Variants in TNKS observed in about 807,000 individuals in gnomAD.
The protein encoded by TNKS is tankyrase.
TNKS carries 72 observed loss-of-function variants against 135.8 expected under a neutral mutation model. The observed-to-expected ratio is 0.53, with a 90% CI of 0.44 to 0.64. The LOEUF is 0.64. Among genes scored for constraint, TNKS ranks in the 30% least tolerant of loss-of-function variants. TNKS has a pLI of 0.00. For missense variants in TNKS, 1,769 were observed against 1,674.0 expected, an observed-to-expected ratio of 1.06 and a Z score of -0.99; for synonymous variants, 849 against 649.3, an observed-to-expected ratio of 1.31 and a Z score of -4.68.
chr8:9,593,943 A>G (rs1334892397), intron 2 of TNKS, among the ~76,000 whole-genome samples: 2 of 151,888 alleles, frequency 1.3e-5, no homozygotes, highest in Non-Finnish European at 2.9e-5. Context: ...CTGGAGTGCA[A>G]TGGCACGATC....
chr8:9,647,633 T>C (rs1017063405), intron 3 of TNKS, among the ~76,000 whole-genome samples: 4 of 152,216 alleles, frequency 2.6e-5, no homozygotes, highest in Non-Finnish European at 5.9e-5. Flanking sequence ...TCCATAACAC[T>C]TCAGACATTA....
At chr8:9,671,921 T>C (rs1197911080) in intron 3 of TNKS, among the ~76,000 whole-genome samples, 1 of 152,174 alleles carries the variant, frequency 6.6e-6, no homozygotes, top group Admixed American at 6.5e-5. Flanking sequence ...ATGCTCTGAG[T>C]ATGGTGATGA....
chr8:9,606,567 C>T (rs1446988566), intron 2 of TNKS, among the ~76,000 whole-genome samples: 1 of 152,092 alleles, frequency 6.6e-6, no homozygotes. Context: ...TGTTTCACTT[C>T]TTAAGACCAT....
intron 3 of TNKS, among the ~76,000 whole-genome samples, chr8:9,633,219 C>G (rs1416096925): frequency 6.6e-6 from 1 of 152,076 alleles, no homozygotes; most frequent in Non-Finnish European, 1.5e-5. Context: ...CATAGGTGAT[C>G]CGGAACTGGA....
intron 21 of TNKS, 94 bp downstream of exon 21, chr8:9,761,730 A>C: frequency 7.7e-7 from 1 of 1,297,788 alleles, no homozygotes. Flanking sequence ...CCAGTCCCAG[A>C]ACCATACACT....
At chr8:9,686,940 A>T (rs189511153) in intron 5 of TNKS, among the ~76,000 whole-genome samples, 169 of 152,258 alleles carry the variant, frequency 1.1e-3, no homozygotes, top group Non-Finnish European at 2.0e-3. Context: ...AGATTATAAT[A>T]TATTTTGTTA....
chr8:9,659,874 A>G (rs1041691399), intron 3 of TNKS, among the ~76,000 whole-genome samples: 1 of 152,338 alleles, frequency 6.6e-6, no homozygotes, highest in Admixed American at 6.5e-5. Context: ...AGACGAATCA[A>G]ATAGACGCAA....
At position 9,761,621 on chromosome 8, in the gene TNKS, T is replaced by C; in HGVS notation, c.3259T>C (p.Leu1087=). ...ATTAATCAAAGGAGTAGAAAGACTC[T>C]TAGGTGGACAACAAGGTAAGCTATT... ...HKLIKGVERL[L]GGQQGTNPYL... Residue 1087 remains leucine, a synonymous_variant, in exon 21 of 27, where the codon TTA becomes CTA. Coordinates refer to ENST00000310430, the MANE Select transcript of TNKS (RefSeq NM_003747.3). The C allele has an allele frequency of 1.3e-6, 2 of 1,590,736 alleles. No homozygotes were observed. The highest frequency in any genetic ancestry group is 8.5e-7 in the Non-Finnish European group (1 of 1,174,338).
chr8:9,601,448 C>A (rs1166250510), intron 2 of TNKS, among the ~76,000 whole-genome samples: 1 of 152,102 alleles, frequency 6.6e-6, no homozygotes, highest in Non-Finnish European at 1.5e-5. Context: ...AGTTCCTTGG[C>A]CAAACTTTTT....
chr8:9,567,985 A>G (rs530241438), intron 1 of TNKS, among the ~76,000 whole-genome samples: 4 of 152,282 alleles, frequency 2.6e-5, no homozygotes, highest in Non-Finnish European at 4.4e-5. Context: ...TAGCCTCTCT[A>G]TTGTCCTGGA....
intron 11 of TNKS, among the ~76,000 whole-genome samples, chr8:9,714,602 T>A (rs1804511761): frequency 6.6e-6 from 1 of 152,178 alleles, no homozygotes; most frequent in South Asian, 2.1e-4. Flanking sequence ...AATACCAGTT[T>A]GAAAGTTAAT....
At chr8:9,700,937 T>C (rs35233861) in intron 5 of TNKS, among the ~76,000 whole-genome samples, 1,674 of 13,436 alleles carry the variant, frequency 0.12, 14 homozygotes, top group Admixed American at 0.24. Context: ...TTTTGCCCCC[T>C]TTTTTTTTTT....
intron 2 of TNKS, among the ~76,000 whole-genome samples, chr8:9,584,805 C>A (rs545667972): frequency 6.6e-6 from 1 of 152,144 alleles, no homozygotes; most frequent in Non-Finnish European, 1.5e-5. Context: ...GAGTATGTTC[C>A]CTTTGGAGGC....
At chr8:9,636,510 T>A (rs183862853) in intron 3 of TNKS, among the ~76,000 whole-genome samples, 59 of 152,322 alleles carry the variant, frequency 3.9e-4, no homozygotes, top group East Asian at 3.3e-3. Context: ...GTTTCAAAAT[T>A]AAATGTCTTT....
chr8:9,752,120 T>C (rs1298496957), intron 19 of TNKS, among the ~76,000 whole-genome samples: 1 of 152,174 alleles, frequency 6.6e-6, no homozygotes, highest in African/African-American at 2.4e-5. Context: ...AGAACACAAC[T>C]GAGAGGTCAT....
chr8:9,636,190 A>T (rs1481986143), intron 3 of TNKS, among the ~76,000 whole-genome samples: 1 of 152,226 alleles, frequency 6.6e-6, no homozygotes, highest in South Asian at 2.1e-4. Flanking sequence ...ACATGGGCAG[A>T]TGATTATAAG....
rs184575587 is a variant in TNKS at position 9,674,206 on chromosome 8, A to C, written c.995-5745A>C. Among the ~76,000 whole-genome samples the C allele has an allele frequency of 1.2e-3, 178 of 152,336 alleles. 1 individual carries two copies. The highest frequency in any genetic ancestry group is 4.1e-3 in the African/African-American group (169 of 41,590). On this transcript the variant is annotated intron_variant, in intron 3 of 26. Transcript: ENST00000310430. ...ACAGGATGGAAGTTTAAGAGTTGAAACTTTAGAAATCGTTTAACCTGTTCA... is the reference window on the plus strand; with the variant it reads ...ACAGGATGGAAGTTTAAGAGTTGAACCTTTAGAAATCGTTTAACCTGTTCA...
At chr8:9,698,886 A>C (rs186234800) in intron 5 of TNKS, among the ~76,000 whole-genome samples, 1 of 152,234 alleles carries the variant, frequency 6.6e-6, no homozygotes, top group Non-Finnish European at 1.5e-5. Flanking sequence ...AATTTATAGG[A>C]CTTCCTTAAG....
At chr8:9,690,383 A>C (rs371349127) in intron 5 of TNKS, among the ~76,000 whole-genome samples, 2 of 152,334 alleles carry the variant, frequency 1.3e-5, no homozygotes, top group South Asian at 4.1e-4. Context: ...GTTCAATCTT[A>C]TCTGCTCTTC....
Sources: allele counts gnomAD v4.1 joint callset (sites outside exome capture counted in the v4.1 genomes callset), GRCh38; gene constraint gnomAD v4.1.1; transcripts MANE v1.5; gene names NCBI Gene and HGNC (gene_info 2026-07-23, HGNC 2026-07-21).